The following RSKR variants were observed in gnomAD, a reference collection of about 807,000 sequenced individuals.
The protein encoded by RSKR is ribosomal protein S6 kinase-related protein.
RSKR carries 44 observed loss-of-function variants against 56.8 expected under a neutral mutation model. The ratio of observed to expected loss-of-function variants is 0.77; its 90% CI spans 0.61 to 1.00. The LOEUF is 1.00. Among genes scored for constraint, RSKR ranks in the 50% least tolerant of loss-of-function variants. The pLI, the probability that RSKR is intolerant of heterozygous loss-of-function variation, is 0.00. For synonymous variants in RSKR, 181 were observed against 188.0 expected, an observed-to-expected ratio of 0.96 and a Z score of 0.30; for missense variants, 510 against 506.9, an observed-to-expected ratio of 1.01 and a Z score of -0.06.
In RSKR at chr17:28,609,307, CCTTAAAT is replaced by C. The variant is rs2070781926; in HGVS notation, c.*1164_*1170del. 6.6e-6 allele frequency: 1 copy of C among 152,016 alleles called. No homozygotes were observed. Among genetic ancestry groups the C allele is most frequent in the Non-Finnish European group, 1.5e-5 (1 of 68,012 alleles). 9.4% of individuals were successfully genotyped at this position (152,016 alleles called of 1,614,324 possible). On this transcript the variant is annotated 3_prime_UTR_variant, in exon 12 of 12. Transcript: ENST00000301037. ...CTGCCCACCTTGGCCTCCCAAATAA[CCTTAAAT>C]CTTAAGGTTGATGCATGCCTCTTAA...
At chr17:28,610,790 T>C (rs971307154) in intron 11 of RSKR, 91 bp from the exon 12 acceptor site, 13 of 1,269,186 alleles carry the variant, frequency 1.0e-5, no homozygotes, top group Middle Eastern at 4.6e-4. Flanking sequence ...TTCATGGAGC[T>C]GTGGAGGGTA....
In RSKR at chr17:28,611,867, C is replaced by G; in HGVS notation, c.694-72G>C. ...CTCTTTCATCATGTATACACCCCAG[C>G]TGAAGGTGATGCCCTACTCAGCACT... On this transcript the variant is annotated intron_variant, in intron 7 of 11. Transcript: ENST00000301037. 4 of 1,612,968 alleles carry G rather than the reference C, an allele frequency of 2.5e-6. No individual in the cohort carries two copies. The South Asian group carries it at 3.3e-5, about 13-fold the overall frequency.
At chr17:28,611,091 G>A in intron 11 of RSKR, 52 bp downstream of exon 11, 2 of 1,447,004 alleles carry the variant, frequency 1.4e-6, no homozygotes, top group South Asian at 2.4e-5. Flanking sequence ...AATGAAGGCA[G>A]GAGAGCATTA....
chr17:28,613,364 A>C lies in RSKR; in HGVS notation c.325-19T>G, dbSNP rs2070851532. On this transcript the variant is annotated intron_variant, in intron 2 of 11. Coordinates refer to ENST00000301037, the MANE Select transcript of RSKR (RefSeq NM_001174103.2). ...CTAAAATCTGTACAGAGGAATGGAG[A>C]ACAGGCCAGTTGAGACTGGTCATTT... The C allele has an allele frequency of 6.2e-7, 1 of 1,614,096 alleles. No homozygotes were observed. The highest frequency in any genetic ancestry group is 1.7e-5 in the Admixed American group (1 of 60,004).
At chr17:28,611,518 T>TA in intron 9 of RSKR, 37 bp from the exon 10 acceptor site, 1 of 1,576,102 alleles carries the variant, frequency 6.3e-7, no homozygotes, top group Non-Finnish European at 8.6e-7. Context: ...AGACATCCTT[T>TA]AGCTATCCTC....
At position 28,611,576 on chromosome 17, in the gene RSKR, G is replaced by A; in HGVS notation, c.802C>T (p.Gln268Ter). Residue 268 changes from glutamine to a stop codon, truncating the protein, a stop_gained, in exon 9 of 12, where the codon CAG (glutamine) becomes TAG (stop). Coordinates refer to ENST00000301037, the MANE Select transcript of RSKR (RefSeq NM_001174103.2). LOFTEE classifies it high-confidence loss of function. ...AQAYTICGTL[Q>*]YMAPEVLSGG... The stretch of plus-strand genomic sequence containing the variant: ...CTTTAACCTCTCTCACCCATGTACT[G>A]AAGAGTGCCACAGATAGTGTAGGCT... The A allele has an allele frequency of 1.3e-6, 2 of 1,556,464 alleles. No homozygotes were observed. Among genetic ancestry groups the A allele is most frequent in the Non-Finnish European group, 1.7e-6 (2 of 1,154,066 alleles).
rs2070856770 is a variant in RSKR at position 28,613,522 on chromosome 17, G to A, written c.242C>T (p.Pro81Leu). 1.2e-6 allele frequency: 2 copies of A among 1,614,204 alleles called. No individual in the cohort carries two copies. The highest frequency in any genetic ancestry group is 1.7e-6 in the Non-Finnish European group (2 of 1,180,034). Residue 81 changes from proline to leucine, a missense_variant, in exon 2 of 12, where the codon CCA (proline) becomes CTA (leucine). Transcript: ENST00000301037. ...PAPVLVEKPL[P>L]EWPVPQFINL... ...GATGAACTGAGGCACTGGCCACTCT[G>A]GCAGAGGCTTCTCTACCAGTACTGG...
Position 28,610,652 on chromosome 17 carries a change from G to A in RSKR, c.1059C>T (p.Phe353=). ...PLHRLRYLHH[F]QVHPFFRGVA... is the part of the protein sequence containing the mutation. ...CACCCCGAAAGAAAGGGTGGACCTG[G>A]AAGTGATGCAGATAACGTAGACGAT... Residue 353 remains phenylalanine, a synonymous_variant, in exon 12 of 12, where the codon TTC becomes TTT. Transcript: ENST00000301037. The A allele has an allele frequency of 6.5e-7, 1 of 1,536,152 alleles. No homozygotes were observed. The highest frequency in any genetic ancestry group is 8.7e-7 in the Non-Finnish European group (1 of 1,146,920).
chr17:28,613,070 G>C lies in RSKR; in HGVS notation c.477+8C>G, dbSNP rs374683391. The C allele has an allele frequency of 4.3e-6, 7 of 1,613,740 alleles. No individual in the cohort carries two copies. Among genetic ancestry groups the C allele is most frequent in the African/African-American group, 1.3e-5 (1 of 74,912 alleles). Reference sequence around the variant, plus strand: ...TTCCCACAATCCTTTCCAGGACTCTGTGCATACCTGGATGCTAACCTCCTC... The same window carrying C: ...TTCCCACAATCCTTTCCAGGACTCTCTGCATACCTGGATGCTAACCTCCTC... On this transcript the variant is annotated splice_region_variant and intron_variant, in intron 4 of 11. Coordinates refer to ENST00000301037, the MANE Select transcript of RSKR (RefSeq NM_001174103.2).
intron 4 of RSKR, 122 bp from the exon 5 acceptor site, chr17:28,612,809 AG>A (rs2070838704): frequency 6.4e-6 from 6 of 931,000 alleles, no homozygotes; most frequent in Admixed American, 4.1e-5. Flanking sequence ...CTCAGTTCAG[AG>A]GAACTCAATA....
intron 2 of RSKR, 34 bp downstream of exon 2, chr17:28,613,406 A>C: frequency 6.2e-7 from 1 of 1,614,114 alleles, no homozygotes; most frequent in South Asian, 1.1e-5. Flanking sequence ...TCTCCCAAAG[A>C]CTGAGACCCC....
chr17:28,612,768 G>T, intron 4 of RSKR, 81 bp from the exon 5 acceptor site: 1 of 1,358,468 alleles, frequency 7.4e-7, no homozygotes, highest in Non-Finnish European at 1.0e-6. Context: ...GTTTTACCCA[G>T]ATGTGCAGAG....
Position 28,612,617 on chromosome 17 carries a change from C to G in RSKR, c.547+1G>C, listed in dbSNP as rs1291840153. The G allele has an allele frequency of 6.2e-7, 1 of 1,614,092 alleles. No individual in the cohort carries two copies. The highest frequency in any genetic ancestry group is 2.2e-5 in the East Asian group (1 of 44,884). Reference sequence around the variant, plus strand: ...GATGAGGAGAGAGTCCAGTCACTCACTAATGAAAAGGTGCCGTTTTCCCTG... The same window carrying G: ...GATGAGGAGAGAGTCCAGTCACTCAGTAATGAAAAGGTGCCGTTTTCCCTG... On this transcript the variant is annotated splice_donor_variant, in intron 5 of 11. Coordinates refer to ENST00000301037, the MANE Select transcript of RSKR (RefSeq NM_001174103.2). LOFTEE classifies it high-confidence loss of function.
In RSKR at chr17:28,608,171, A is replaced by G; in HGVS notation, c.*2307T>C. On this transcript the variant is annotated 3_prime_UTR_variant, in exon 12 of 12. Transcript: ENST00000301037. ...GAAGGTAGACCACAAATTGGGCTCT[A>G]AATGGTCTAGTATCAGTACAAACAG... The G allele has an allele frequency of 6.6e-6, 1 of 152,336 alleles. No homozygotes were observed. The highest frequency in any genetic ancestry group is 1.5e-5 in the Non-Finnish European group (1 of 68,030). The allele number at this position is 152,336 out of a possible 1,614,324, so 9.4% of individuals were successfully genotyped here.
chr17:28,610,357 G>C lies in RSKR; in HGVS notation c.*121C>G. ...TGGAACTCTGGTCTAAAGCCTAGGAGAGCAGAACGGTAAGAGGCTACAAAA... is the reference window on the plus strand; with the variant it reads ...TGGAACTCTGGTCTAAAGCCTAGGACAGCAGAACGGTAAGAGGCTACAAAA... On this transcript the variant is annotated 3_prime_UTR_variant, in exon 12 of 12. Coordinates refer to ENST00000301037, the MANE Select transcript of RSKR (RefSeq NM_001174103.2). 1 of 913,334 alleles carries C rather than the reference G, an allele frequency of 1.1e-6. No individual in the cohort carries two copies. Among genetic ancestry groups the C allele is most frequent in the South Asian group, 1.6e-5 (1 of 60,832 alleles). The allele number at this position is 913,334 out of a possible 1,614,324, so 56.6% of individuals were successfully genotyped here.
At position 28,613,908 on chromosome 17, in the gene RSKR, C is replaced by T. The variant is rs1051245086; in HGVS notation, c.75+179G>A. ...TAATTGTTGGACATTTTCACCATGA[C>T]GCATTAAGAGTACAGCCTGCACCTC... On this transcript the variant is annotated intron_variant, in intron 1 of 11. Transcript: ENST00000301037. The T allele has an allele frequency of 9.6e-5, 95 of 988,506 alleles. No homozygotes were observed. The African/African-American group carries it at 1.0e-3, about 11-fold the overall frequency. 61.2% of individuals were successfully genotyped at this position (988,506 alleles called of 1,614,324 possible).
At chr17:28,613,878 G>A (rs752001064) in intron 1 of RSKR, 190 bp from the exon 2 acceptor site, 94 of 1,023,152 alleles carry the variant, frequency 9.2e-5, no homozygotes, top group Admixed American at 4.5e-4. Flanking sequence ...AATCCTCTAG[G>A]AAAATAATTG....
intron 1 of RSKR, 147 bp downstream of exon 1, chr17:28,613,940 G>T: frequency 9.4e-7 from 1 of 1,062,186 alleles, no homozygotes; most frequent in Non-Finnish European, 1.4e-6. Context: ...CCTCAGTATT[G>T]GGCTGTGATG....
intron 7 of RSKR, 84 bp downstream of exon 7, chr17:28,611,960 C>T: frequency 6.2e-7 from 1 of 1,613,880 alleles, no homozygotes; most frequent in Non-Finnish European, 8.5e-7. Flanking sequence ...GTCTACAGTT[C>T]TCAGCTCCCT....
Sources: allele counts gnomAD v4.1 joint callset, GRCh38; gene constraint gnomAD v4.1.1; transcripts MANE v1.5; gene names NCBI Gene and HGNC (gene_info 2026-07-23, HGNC 2026-07-21).